The following ANKRD16 variants were observed in gnomAD, a reference collection of about 807,000 sequenced individuals.
ANKRD16 encodes ankyrin repeat domain 16.
A neutral mutation model predicts 37.9 loss-of-function variants in ANKRD16; 35 were observed. That is an observed-to-expected ratio of 0.92 (90% CI 0.71 to 1.23). ANKRD16 has a LOEUF of 1.23. Ranked by LOEUF, ANKRD16 falls within the 50% of genes most tolerant of loss-of-function variation. The pLI, the probability that ANKRD16 is intolerant of heterozygous loss-of-function variation, is 0.00. For missense variants in ANKRD16, 480 were observed against 469.9 expected (o/e 1.02, Z -0.20); for synonymous variants, 206 against 197.2 (o/e 1.04, Z -0.37).
In ANKRD16 at chr10:5,871,354, T is replaced by C. The variant is rs1396892828; in HGVS notation, c.*33+6743A>G. Among the ~76,000 whole-genome samples, 1 of 151,886 alleles carries C rather than the reference T, an allele frequency of 6.6e-6. No individual in the cohort carries two copies. Among genetic ancestry groups the C allele is most frequent in the Non-Finnish European group, 1.5e-5 (1 of 68,004 alleles). On this transcript the variant is annotated intron_variant, in intron 7 of 7. Coordinates refer to ENST00000380094, the MANE Select transcript of ANKRD16 (RefSeq NM_019046.3). This position sits in a 1 kb window ranked among gnomAD's most constrained non-coding sequence, Gnocchi z 4.5. ...GTGAGCCGAGATTGAGCCATTGCAC[T>C]CTAGCCTGGGCGACAGAGCTAGACT...
At chr10:5,875,108 T>C (rs905353106) in intron 7 of ANKRD16, among the ~76,000 whole-genome samples, 11 of 152,002 alleles carry the variant, frequency 7.2e-5, no homozygotes, top group African/African-American at 2.7e-4. Flanking sequence ...GACGCCAGAC[T>C]GCGGGGGGTG....
intron 3 of ANKRD16, among the ~76,000 whole-genome samples, chr10:5,884,340 G>C (rs12357094): frequency 0.45 from 68,157 of 152,072 alleles, 15,769 homozygotes; most frequent in Middle Eastern, 0.51. Context: ...TCCTGCACCA[G>C]AGACCTGGAA....
At chr10:5,879,338 G>C (rs1344302259) in intron 6 of ANKRD16, among the ~76,000 whole-genome samples, 1 of 152,072 alleles carries the variant, frequency 6.6e-6, no homozygotes, top group African/African-American at 2.4e-5. Flanking sequence ...GCTGGGCATG[G>C]TGGTGGGCAC....
At chr10:5,867,701 C>A (rs1342461932) in intron 7 of ANKRD16, among the ~76,000 whole-genome samples, 1 of 152,194 alleles carries the variant, frequency 6.6e-6, no homozygotes, top group Non-Finnish European at 1.5e-5. Flanking sequence ...AATACCCCTA[C>A]TTATAGGGTT....
At chr10:5,886,264 T>C (rs1429657391) in intron 2 of ANKRD16, among the ~76,000 whole-genome samples, 1 of 150,666 alleles carries the variant, frequency 6.6e-6, no homozygotes, top group African/African-American at 2.5e-5. Flanking sequence ...TAAAAAAAAG[T>C]TTTCTACTTA....
rs77448389 is a variant in ANKRD16 at position 5,868,783 on chromosome 10, A to G, written c.*34-6092T>C. ...ATTCACTGCGAGGGTCTGCGGCTTC[A>G]TTCCTTAAGTCAGCAAGACCACGAA... is the stretch of plus-strand genomic sequence containing the variant. On this transcript the variant is annotated intron_variant, in intron 7 of 7. Coordinates refer to ENST00000380094, the MANE Select transcript of ANKRD16 (RefSeq NM_019046.3). This position sits in a 1 kb window ranked among gnomAD's most constrained non-coding sequence, Gnocchi z 4.9. Among the ~76,000 whole-genome samples, 9,230 of 152,270 alleles carry G rather than the reference A, an allele frequency of 0.061. 351 individuals are homozygous for G. Among genetic ancestry groups the G allele is most frequent in the African/African-American group, 0.098 (4,068 of 41,550 alleles).
chr10:5,887,821 C>T, intron 2 of ANKRD16, 26 bp downstream of exon 2: 1 of 1,602,738 alleles, frequency 6.2e-7, no homozygotes, highest in African/African-American at 1.3e-5. Context: ...GTGTGTACTG[C>T]TCACCTGCAG....
At chr10:5,875,112 G>A (rs1333477230) in intron 7 of ANKRD16, among the ~76,000 whole-genome samples, 1 of 152,130 alleles carries the variant, frequency 6.6e-6, no homozygotes, top group Non-Finnish European at 1.5e-5. Flanking sequence ...CCAGACTGCG[G>A]GGGGTGGGAG....
At chr10:5,877,351 G>C (rs753097517) in intron 7 of ANKRD16, among the ~76,000 whole-genome samples, 2 of 152,214 alleles carry the variant, frequency 1.3e-5, no homozygotes, top group Non-Finnish European at 2.9e-5. Context: ...GGCCTCAAGT[G>C]ATCTGTCTGC....
Position 5,880,374 on chromosome 10 carries a change from T to C in ANKRD16, c.852A>G (p.Glu284=). 5 of 1,591,928 alleles carry C rather than the reference T, an allele frequency of 3.1e-6. No homozygotes were observed. Among genetic ancestry groups the C allele is most frequent in the Non-Finnish European group, 4.3e-6 (5 of 1,170,976 alleles). The change falls in exon 6 of 8, where the codon GAA becomes GAG. Residue 284 remains glutamate (E), a splice_region_variant and synonymous_variant. Transcript: ENST00000380094. ...HLTALHYAAK[E]GHTSTIQTLL... is the part of the protein sequence containing the mutation. ...GAGTCTGAATTGTACTTGTATGTCC[T>C]TCCTGAATTGAAACAAATTTGTTAT... is the stretch of plus-strand genomic sequence containing the variant.
At position 5,878,319 on chromosome 10, in the gene ANKRD16, AAC is replaced by A; in HGVS notation, c.929-34_929-33del. On this transcript the variant is annotated intron_variant, in intron 6 of 7. Transcript: ENST00000380094. This position sits in a 1 kb window ranked among gnomAD's most constrained non-coding sequence, Gnocchi z 5.1. ...GGTGACAAAAATCACATGGACTTAA[AAC>A]ACAATCCCTGGAGCAATACTGACCT... 1 of 1,600,480 alleles carries A rather than the reference AAC, an allele frequency of 6.2e-7. No homozygotes were observed. Among genetic ancestry groups the A allele is most frequent in the South Asian group, 1.1e-5 (1 of 89,764 alleles).
Position 5,869,974 on chromosome 10 carries a change from C to T in ANKRD16, c.*34-7283G>A, listed in dbSNP as rs1213678793. Among the ~76,000 whole-genome samples, 1 of 152,086 alleles carries T rather than the reference C, an allele frequency of 6.6e-6. No homozygotes were observed. Among genetic ancestry groups the T allele is most frequent in the African/African-American group, 2.4e-5 (1 of 41,384 alleles). On this transcript the variant is annotated intron_variant, in intron 7 of 7. Coordinates refer to ENST00000380094, the MANE Select transcript of ANKRD16 (RefSeq NM_019046.3). The surrounding 1 kb of genome is among the most constrained non-coding windows in gnomAD (Gnocchi z 4.0). ...CCCCGCACCCCTGGACTCTCTCCCTCTGAGAATCTGCATTTTTCTTTTTTT... is the reference window on the plus strand; with the variant it reads ...CCCCGCACCCCTGGACTCTCTCCCTTTGAGAATCTGCATTTTTCTTTTTTT...
intron 1 of ANKRD16, 71 bp from the exon 2 acceptor site, chr10:5,888,138 A>G (rs1235365225): frequency 8.8e-6 from 12 of 1,357,750 alleles, no homozygotes; most frequent in African/African-American, 1.4e-5. Flanking sequence ...CAGGTCTTCA[A>G]AACACACACA....
rs1268146679 is a variant in ANKRD16, at chr10:5,865,738, C to T, written c.*34-3047G>A. On this transcript the variant is annotated intron_variant, in intron 7 of 7. Transcript: ENST00000380094. This position sits in a 1 kb window ranked among gnomAD's most constrained non-coding sequence, Gnocchi z 4.7. ...AGGGACATATTAGCCAAAGCTGGAG[C>T]TATTATCTACATGAATATGGGGAAC... Among the ~76,000 whole-genome samples, 1 of 152,176 alleles carries T rather than the reference C, an allele frequency of 6.6e-6. No individual in the cohort carries two copies. The highest frequency in any genetic ancestry group is 2.4e-5 in the African/African-American group (1 of 41,436).
intron 7 of ANKRD16, among the ~76,000 whole-genome samples, chr10:5,872,742 G>A (rs551430106): frequency 6.6e-6 from 1 of 151,588 alleles, no homozygotes; most frequent in African/African-American, 2.4e-5. Flanking sequence ...ATTTTTAGTA[G>A]AGACGGGATT....
Position 5,868,578 on chromosome 10 carries a change from G to C in ANKRD16, c.*34-5887C>G, listed in dbSNP as rs1842047126. Among the ~76,000 whole-genome samples the C allele has an allele frequency of 6.6e-6, 1 of 152,146 alleles. No individual in the cohort carries two copies. Among genetic ancestry groups the C allele is most frequent in the Non-Finnish European group, 1.5e-5 (1 of 68,040 alleles). On this transcript the variant is annotated intron_variant, in intron 7 of 7. Coordinates refer to ENST00000380094, the MANE Select transcript of ANKRD16 (RefSeq NM_019046.3). This position sits in a 1 kb window ranked among gnomAD's most constrained non-coding sequence, Gnocchi z 4.9. ...ACACCAATCAGCACTCTGTAAAATGGACCAATCAGCAGGATGTGGGTGGGG... is the reference window on the plus strand; with the variant it reads ...ACACCAATCAGCACTCTGTAAAATGCACCAATCAGCAGGATGTGGGTGGGG...
At chr10:5,886,427 C>T (rs545750125) in intron 2 of ANKRD16, among the ~76,000 whole-genome samples, 1 of 152,286 alleles carries the variant, frequency 6.6e-6, no homozygotes, top group East Asian at 1.9e-4. Context: ...CCCATCTCTA[C>T]TAAAAATATG....
In ANKRD16 at chr10:5,889,263, C is replaced by G; in HGVS notation, c.92G>C (p.Gly31Ala). The change falls in exon 1 of 8, where the codon GGC (glycine) becomes GCC (alanine). Residue 31 changes from glycine (G) to alanine (A), a missense_variant. Gly to Ala is a moderately conservative substitution (Grantham distance 60). Transcript: ENST00000380094. ...ALKEELQAAG[G>A]CPGPAGDTLL... ...GGTATCCCCGGCCGGCCCCGGGCAGCCCCCGGCCGCCTGCAGCTCCTCCTT... is the reference window on the plus strand; with the variant it reads ...GGTATCCCCGGCCGGCCCCGGGCAGGCCCCGGCCGCCTGCAGCTCCTCCTT... The G allele has an allele frequency of 6.8e-7, 1 of 1,480,644 alleles. No homozygotes were observed. Among genetic ancestry groups the G allele is most frequent in the African/African-American group, 1.5e-5 (1 of 68,734 alleles). 91.7% of individuals were successfully genotyped at this position (1,480,644 alleles called of 1,614,324 possible). A position where few individuals can be genotyped will look rare whatever the true frequency, so the allele number is the denominator to read the frequency against.
chr10:5,878,031 G>T lies in ANKRD16; in HGVS notation c.*33+66C>A. The T allele has an allele frequency of 1.3e-6, 2 of 1,494,842 alleles. No homozygotes were observed. Among genetic ancestry groups the T allele is most frequent in the Non-Finnish European group, 1.8e-6 (2 of 1,104,756 alleles). The allele number at this position is 1,494,842 out of a possible 1,614,324, so 92.6% of individuals were successfully genotyped here. The stretch of plus-strand genomic sequence containing the variant: ...AGGGAAGGGAGGAAGTGGAGGAGAT[G>T]GAAAACTGGCTTCCAACTGGTTTCG... On this transcript the variant is annotated intron_variant, in intron 7 of 7. Transcript: ENST00000380094. This position sits in a 1 kb window ranked among gnomAD's most constrained non-coding sequence, Gnocchi z 5.1.
Sources: allele counts gnomAD v4.1 joint callset (sites outside exome capture counted in the v4.1 genomes callset), GRCh38; gene constraint gnomAD v4.1.1; non-coding constraint Gnocchi (gnomAD v3.1); transcripts MANE v1.5; gene names NCBI Gene and HGNC (gene_info 2026-07-23, HGNC 2026-07-21).